The following EPB41L3 variants were observed in gnomAD, a reference collection of about 807,000 sequenced individuals.
EPB41L3 encodes erythrocyte membrane protein band 4.1 like 3.
Under a neutral mutation model 127.1 loss-of-function variants are expected in EPB41L3, and 57 were observed. That is an observed-to-expected ratio of 0.45 (90% CI 0.36 to 0.56). The LOEUF is 0.56. Among genes scored for constraint, EPB41L3 ranks in the 20% least tolerant of loss-of-function variants. The pLI, the probability that EPB41L3 is intolerant of heterozygous loss-of-function variation, is 0.00. For synonymous variants in EPB41L3, 572 were observed against 549.5 expected (o/e 1.04, Z -0.57); for missense variants, 1,273 against 1,372.2 (o/e 0.93, Z 1.14).
chr18:5,571,152 T>C (rs2094275292), intron 3 of EPB41L3, among the ~76,000 whole-genome samples: 2 of 152,232 alleles, frequency 1.3e-5, no homozygotes, highest in South Asian at 4.1e-4. Context: ...AAAGTAGTTG[T>C]GAACACATTT....
At chr18:5,527,754 G>A (rs968115875) in intron 1 of EPB41L3, among the ~76,000 whole-genome samples, 4 of 152,236 alleles carry the variant, frequency 2.6e-5, no homozygotes, top group Non-Finnish European at 5.9e-5. Context: ...AAAACGCAGA[G>A]GAAGAATGTT....
chr18:5,537,854 T>G (rs2093615794), intron 1 of EPB41L3, among the ~76,000 whole-genome samples: 1 of 152,170 alleles, frequency 6.6e-6, no homozygotes, highest in African/African-American at 2.4e-5. Context: ...AGATTTTCCC[T>G]ATAAAAGGAT....
chr18:5,603,618 C>T (rs1010935599), intron 3 of EPB41L3, among the ~76,000 whole-genome samples: 8 of 152,280 alleles, frequency 5.3e-5, no homozygotes, highest in East Asian at 1.9e-4. Flanking sequence ...GGCATGGTGG[C>T]TCACGCCTAA....
intron 1 of EPB41L3, among the ~76,000 whole-genome samples, chr18:5,522,729 A>T (rs1464768707): frequency 4.6e-5 from 7 of 152,204 alleles, no homozygotes; most frequent in African/African-American, 1.7e-4. Context: ...TTGCTCTTGG[A>T]AGCCATTCTG....
chr18:5,584,990 G>A (rs1334318461), intron 3 of EPB41L3, among the ~76,000 whole-genome samples: 1 of 151,962 alleles, frequency 6.6e-6, no homozygotes, highest in African/African-American at 2.4e-5. Context: ...GTGTAGAGGA[G>A]GTACAGTTTC....
At chr18:5,601,137 G>A (rs951470636) in intron 3 of EPB41L3, among the ~76,000 whole-genome samples, 4 of 152,116 alleles carry the variant, frequency 2.6e-5, no homozygotes, top group African/African-American at 4.8e-5. Flanking sequence ...ATTTGAAGAC[G>A]TTGGGAGGGG....
intron 3 of EPB41L3, among the ~76,000 whole-genome samples, chr18:5,476,117 T>C (rs1400752622): frequency 2.6e-5 from 4 of 152,142 alleles, no homozygotes; most frequent in Admixed American, 2.6e-4. Context: ...ACAATACATT[T>C]TTCTCATTCA....
At chr18:5,488,420 G>C (rs969108399) in intron 2 of EPB41L3, among the ~76,000 whole-genome samples, 3 of 148,340 alleles carry the variant, frequency 2.0e-5, no homozygotes, top group African/African-American at 5.3e-5. Flanking sequence ...GTCGGGGACT[G>C]GGGGGCTAGG....
At chr18:5,494,072 C>T (rs1017385368) in intron 1 of EPB41L3, among the ~76,000 whole-genome samples, 12 of 152,170 alleles carry the variant, frequency 7.9e-5, no homozygotes, top group Non-Finnish European at 1.8e-4. Context: ...AATTTTGTGA[C>T]CTCTCACTGA....
At position 5,540,753 on chromosome 18, in the gene EPB41L3, A is replaced by G. The variant is rs887475558; in HGVS notation, c.-12+3160T>C. Among the ~76,000 whole-genome samples, 6 of 152,150 alleles carry G rather than the reference A, an allele frequency of 3.9e-5. No individual in the cohort carries two copies. The South Asian group carries it at 6.2e-4, about 16-fold the overall frequency. On this transcript the variant is annotated intron_variant, in intron 1 of 22. Coordinates refer to ENST00000341928, the MANE Select transcript of EPB41L3 (RefSeq NM_012307.5). ...AAAACTGATGGGGTACTTAGGGGAGACTATGGGAATTAAAGACGGCCAGGG... is the reference window on the plus strand; with the variant it reads ...AAAACTGATGGGGTACTTAGGGGAGGCTATGGGAATTAAAGACGGCCAGGG...
intron 1 of EPB41L3, among the ~76,000 whole-genome samples, chr18:5,616,224 A>G (rs554998256): frequency 2.0e-4 from 30 of 152,062 alleles, no homozygotes; most frequent in Non-Finnish European, 3.1e-4. Flanking sequence ...CAAGCCCACT[A>G]CGTGTATGCC....
intron 11 of EPB41L3, among the ~76,000 whole-genome samples, chr18:5,420,357 C>A (rs2077324619): frequency 1.3e-5 from 2 of 152,158 alleles, no homozygotes; most frequent in Admixed American, 1.3e-4. Context: ...AAGTGCCATT[C>A]ACCAAGGAGC....
At chr18:5,498,100 G>A (rs978472191) in intron 1 of EPB41L3, among the ~76,000 whole-genome samples, 23 of 152,180 alleles carry the variant, frequency 1.5e-4, no homozygotes, top group African/African-American at 5.1e-4. Flanking sequence ...ACTAAGCACA[G>A]GGCAGTGTTT....
chr18:5,445,317 C>T, intron 3 of EPB41L3, 73 bp from the exon 4 acceptor site: 4 of 1,195,668 alleles, frequency 3.3e-6, no homozygotes, highest in Non-Finnish European at 4.9e-6. Context: ...GAGATAAAAC[C>T]AGGTAATATT....
At chr18:5,500,258 A>C (rs1051444534) in intron 1 of EPB41L3, among the ~76,000 whole-genome samples, 1 of 152,234 alleles carries the variant, frequency 6.6e-6, no homozygotes, top group Non-Finnish European at 1.5e-5. Context: ...CGCCAATTCT[A>C]TTCAGAGAAG....
At chr18:5,616,876 T>C (rs529546139) in intron 1 of EPB41L3, among the ~76,000 whole-genome samples, 1 of 152,368 alleles carries the variant, frequency 6.6e-6, no homozygotes, top group African/African-American at 2.4e-5. Flanking sequence ...ACTTCAGTTA[T>C]CTTCTCTTGT....
chr18:5,479,948 C>T (rs1599538769), intron 2 of EPB41L3: 1 of 152,204 alleles, frequency 6.6e-6, no homozygotes, highest in East Asian at 1.9e-4. Flanking sequence ...ATATCAACAA[C>T]AATAACATAT....
chr18:5,622,067 T>C (rs1389881437), intron 1 of EPB41L3, among the ~76,000 whole-genome samples: 4 of 152,166 alleles, frequency 2.6e-5, no homozygotes, highest in African/African-American at 9.7e-5. Context: ...TACTTTTTTT[T>C]TTAAACATGA....
intron 1 of EPB41L3, among the ~76,000 whole-genome samples, chr18:5,511,747 G>A (rs1024885325): frequency 1.1e-4 from 16 of 151,450 alleles, no homozygotes; most frequent in Middle Eastern, 3.4e-3. Context: ...CCTTCCAGAC[G>A]CATACAGACA....
Sources: gnomAD v4.1 joint callset for allele counts (sites outside exome capture counted in the v4.1 genomes callset) on GRCh38, gnomAD v4.1.1 for gene constraint, MANE v1.5 for transcripts, NCBI Gene and HGNC (gene_info 2026-07-23, HGNC 2026-07-21) for gene names.